Variants in TLE1 observed in about 807,000 individuals in gnomAD.
TLE1 encodes transducin-like enhancer protein 1.
Under a neutral mutation model 89.8 loss-of-function variants are expected in TLE1, and 21 were observed. That is an observed-to-expected ratio of 0.23 (90% CI 0.17 to 0.34). The LOEUF is 0.34. Ranked by LOEUF, TLE1 falls within the 10% of genes least tolerant of loss-of-function variation. The pLI, the probability that TLE1 is intolerant of heterozygous loss-of-function variation, is 1.00. For missense variants in TLE1, 795 were observed against 1,031.2 expected, an observed-to-expected ratio of 0.77 and a Z score of 3.14; for synonymous variants, 447 against 407.6, an observed-to-expected ratio of 1.10 and a Z score of -1.16.
intron 4 of TLE1, among the ~76,000 whole-genome samples, chr9:81,674,435 C>A (rs963581646): frequency 6.6e-6 from 1 of 152,188 alleles, no homozygotes; most frequent in African/African-American, 2.4e-5. Context: ...GTTCCACACA[C>A]TGGGGTCCTC....
intron 1 of TLE1, 64 bp downstream of exon 1, chr9:81,688,153 A>G: frequency 2.5e-6 from 4 of 1,587,224 alleles, no homozygotes; most frequent in Non-Finnish European, 3.4e-6. Flanking sequence ...CAGTCTCCCT[A>G]CCGCCCGGGA....
chr9:81,637,151 A>T (rs1481767840), intron 6 of TLE1, among the ~76,000 whole-genome samples: 1 of 152,138 alleles, frequency 6.6e-6, no homozygotes, highest in African/African-American at 2.4e-5. Flanking sequence ...TGAGGTCAGG[A>T]GTTTGAGACC....
intron 7 of TLE1, 96 bp from the exon 8 acceptor site, chr9:81,633,460 A>G (rs1826966804): frequency 6.3e-7 from 1 of 1,577,816 alleles, no homozygotes; most frequent in Non-Finnish European, 8.7e-7. Flanking sequence ...TTAGAACACA[A>G]GCCCCAAACA....
chr9:81,660,589 T>C (rs1210164282), intron 4 of TLE1, among the ~76,000 whole-genome samples: 6 of 150,826 alleles, frequency 4.0e-5, no homozygotes, highest in South Asian at 2.1e-4. Flanking sequence ...AATTTTTTTT[T>C]GTATTTTTAG....
At chr9:81,588,540 G>A (rs1261291273) in intron 16 of TLE1, among the ~76,000 whole-genome samples, 2 of 152,208 alleles carry the variant, frequency 1.3e-5, no homozygotes, top group African/African-American at 2.4e-5. Context: ...CTGCCTCCAA[G>A]CGGAGCACAA....
chr9:81,587,443 C>T (rs1828666980), intron 17 of TLE1, among the ~76,000 whole-genome samples: 1 of 152,188 alleles, frequency 6.6e-6, no homozygotes, highest in Non-Finnish European at 1.5e-5. Flanking sequence ...GTAAATATAA[C>T]AGAGAACACA....
chr9:81,652,050 AT>A, intron 6 of TLE1, 163 bp downstream of exon 6: 1 of 609,924 alleles, frequency 1.6e-6, no homozygotes, highest in South Asian at 3.1e-5. Flanking sequence ...ACCTTAGCAC[AT>A]CCCAAGTCTC....
At chr9:81,597,771 G>A (rs897505793) in intron 14 of TLE1, among the ~76,000 whole-genome samples, 2 of 152,116 alleles carry the variant, frequency 1.3e-5, no homozygotes, top group Non-Finnish European at 2.9e-5. Flanking sequence ...TAAGAGCAAG[G>A]GGCTTTTCAT....
intron 9 of TLE1, among the ~76,000 whole-genome samples, 181 bp downstream of exon 9, chr9:81,620,260 G>T (rs1195800173): frequency 1.3e-5 from 2 of 152,106 alleles, no homozygotes; most frequent in African/African-American, 4.8e-5. Context: ...TTAACACTGA[G>T]CCCGGCAGAA....
chr9:81,684,828 T>TA (rs1297381946), intron 4 of TLE1, among the ~76,000 whole-genome samples: 1 of 152,206 alleles, frequency 6.6e-6, no homozygotes, highest in Non-Finnish European at 1.5e-5. Context: ...CCAGAATACT[T>TA]ACACCCTGCC....
In TLE1 at chr9:81,613,454, G is replaced by A. The variant is rs779577614; in HGVS notation, c.986C>T (p.Pro329Leu). Residue 329 changes from proline (P) to leucine (L), a missense_variant, in exon 12 of 20, where the codon CCG (proline) becomes CTG (leucine). This residue lies in a region of TLE1 where 468 missense variants were observed against 509.1 expected (regional missense o/e 0.92). Coordinates refer to ENST00000376499, the MANE Select transcript of TLE1 (RefSeq NM_005077.5). ...TPTPRSDMPT[P>L]GTSATPGLRP... ...GAGGCCTGGAGTGGCGCTGGTGCCCGGCGTTGGCATGTCGCTCCGAGGCGT... is the reference window on the plus strand; with the variant it reads ...GAGGCCTGGAGTGGCGCTGGTGCCCAGCGTTGGCATGTCGCTCCGAGGCGT... 50 of 1,614,206 alleles carry A rather than the reference G, an allele frequency of 3.1e-5. No homozygotes were observed. The highest frequency in any genetic ancestry group is 8.0e-5 in the African/African-American group (6 of 75,062).
intron 6 of TLE1, among the ~76,000 whole-genome samples, chr9:81,650,528 T>A (rs978738722): frequency 3.9e-5 from 6 of 152,322 alleles, no homozygotes; most frequent in Non-Finnish European, 7.3e-5. Flanking sequence ...CTATTAGTCT[T>A]TGCTAATCAA....
chr9:81,633,019 C>CA (rs1400220773), intron 8 of TLE1, among the ~76,000 whole-genome samples: 1 of 152,060 alleles, frequency 6.6e-6, no homozygotes, highest in East Asian at 1.9e-4. Flanking sequence ...AGAATGCAAC[C>CA]ATTAACACTT....
At position 81,634,200 on chromosome 9, in the gene TLE1, G is replaced by A. The variant is rs779283267; in HGVS notation, c.474C>T (p.Leu158=). 52 of 1,591,160 alleles carry A rather than the reference G, an allele frequency of 3.3e-5. No homozygotes were observed. Among genetic ancestry groups the A allele is most frequent in the African/African-American group, 1.9e-4 (14 of 74,674 alleles). ...GCGCAAGAAGGCCGGCACTGCCCCC[G>A]AGGGGCGGGATTCCAGGAGGCTGAA... The part of the protein sequence containing the change: ...SGLQPPGIPP[L]GGSAGLLALS... The change falls in exon 7 of 20, where the codon CTC becomes CTT. Residue 158 remains leucine (L), a synonymous_variant. Transcript: ENST00000376499.
At chr9:81,653,866 T>G (rs1829851310) in intron 5 of TLE1, 108 bp downstream of exon 5, 3 of 979,612 alleles carry the variant, frequency 3.1e-6, no homozygotes, top group Non-Finnish European at 4.7e-6. Context: ...CTGTAACAGA[T>G]GTTCTTCACA....
At chr9:81,641,269 A>C (rs756341542) in intron 6 of TLE1, among the ~76,000 whole-genome samples, 5 of 152,210 alleles carry the variant, frequency 3.3e-5, no homozygotes, top group African/African-American at 1.2e-4. Flanking sequence ...CACGTGCAAA[A>C]GAGCTGTCTG....
chr9:81,656,397 G>C (rs1355523323), intron 4 of TLE1, among the ~76,000 whole-genome samples: 2 of 152,122 alleles, frequency 1.3e-5, no homozygotes, highest in African/African-American at 2.4e-5. Context: ...GCAACACTCT[G>C]TACATTCCTC....
rs1588294449 is a variant in TLE1, at chr9:81,688,379, C to A, written c.-139G>T. On this transcript the variant is annotated 5_prime_UTR_variant, in exon 1 of 20. Transcript: ENST00000376499. ...GCGCTGGCCACGCACGCGCGCTCCGCCGGGCGCACCGGCCACTCGGCGCCC... is the reference window on the plus strand; with the variant it reads ...GCGCTGGCCACGCACGCGCGCTCCGACGGGCGCACCGGCCACTCGGCGCCC... 3.1e-6 allele frequency: 3 copies of A among 970,028 alleles called. No homozygotes were observed. In the South Asian group the frequency reaches 6.7e-5, roughly 22 times the overall value. The allele number at this position is 970,028 out of a possible 1,614,324, so 60.1% of individuals were successfully genotyped here.
intron 8 of TLE1, among the ~76,000 whole-genome samples, chr9:81,622,585 G>T (rs1008795628): frequency 6.6e-6 from 1 of 152,186 alleles, no homozygotes; most frequent in African/African-American, 2.4e-5. Context: ...AAGCTTTGAG[G>T]CCTCTGCGTC....
Sources: gnomAD v4.1 joint callset for allele counts (sites outside exome capture counted in the v4.1 genomes callset) on GRCh38, gnomAD v4.1.1 for gene constraint, gnomAD v4.1.1 regional missense constraint, MANE v1.5 for transcripts, NCBI Gene and HGNC (gene_info 2026-07-23, HGNC 2026-07-21) for gene names.